Variants in TNFRSF19 observed in about 807,000 individuals in gnomAD.
TNFRSF19 encodes tumor necrosis factor receptor superfamily member 19.
TNFRSF19 carries 27 observed loss-of-function variants against 46.4 expected under a neutral mutation model. The ratio of observed to expected loss-of-function variants is 0.58; its 90% CI spans 0.43 to 0.80. The LOEUF (loss-of-function observed/expected upper bound fraction) is 0.80, where lower values mean the gene tolerates loss of function less well. Ranked by LOEUF, TNFRSF19 falls within the 30% of genes least tolerant of loss-of-function variation. The pLI is 0.00. For synonymous variants in TNFRSF19, 204 were observed against 205.0 expected (o/e 1.00, Z 0.04); for missense variants, 511 against 530.8 (o/e 0.96, Z 0.37).
At chr13:23,602,385 A>G (rs1880219677) in intron 3 of TNFRSF19, among the ~76,000 whole-genome samples, 1 of 152,120 alleles carries the variant, frequency 6.6e-6, no homozygotes, top group Non-Finnish European at 1.5e-5. Flanking sequence ...AACTGATAGA[A>G]CTACAAGGAG....
intron 5 of TNFRSF19, among the ~76,000 whole-genome samples, chr13:23,632,944 A>G (rs1882441697): frequency 6.6e-6 from 1 of 152,086 alleles, no homozygotes; most frequent in South Asian, 2.1e-4. Flanking sequence ...CCCCAAACAC[A>G]TTGTCATTTG....
intron 3 of TNFRSF19, among the ~76,000 whole-genome samples, chr13:23,607,896 T>A (rs942201583): frequency 6.6e-6 from 1 of 152,252 alleles, no homozygotes; most frequent in Non-Finnish European, 1.5e-5. Context: ...TAAACTTTCC[T>A]CTGCGGTTTT....
chr13:23,581,204 A>T (rs897161485), intron 1 of TNFRSF19, among the ~76,000 whole-genome samples: 1 of 150,442 alleles, frequency 6.6e-6, no homozygotes, highest in African/African-American at 2.5e-5. Context: ...GCGCACTGCA[A>T]GCTCCCGCTC....
At chr13:23,594,052 G>A (rs895705581) in intron 3 of TNFRSF19, among the ~76,000 whole-genome samples, 3 of 152,198 alleles carry the variant, frequency 2.0e-5, no homozygotes, top group African/African-American at 7.2e-5. Context: ...TGTGCCATGA[G>A]TAATGGTGCA....
chr13:23,658,990 G>A (rs142696523), intron 5 of TNFRSF19, 60 bp from the exon 6 acceptor site: 22 of 1,607,132 alleles, frequency 1.4e-5, no homozygotes, highest in African/African-American at 9.3e-5. Flanking sequence ...TGCCAGCTTC[G>A]CCATAAACAC....
chr13:23,622,519 A>G (rs1881735552), intron 4 of TNFRSF19, among the ~76,000 whole-genome samples: 1 of 152,346 alleles, frequency 6.6e-6, no homozygotes, highest in Admixed American at 6.5e-5. Flanking sequence ...CTTTTAAAAA[A>G]AATTTTGGCA....
At chr13:23,595,864 G>C (rs1879684040) in intron 3 of TNFRSF19, among the ~76,000 whole-genome samples, 1 of 152,178 alleles carries the variant, frequency 6.6e-6, no homozygotes, top group Non-Finnish European at 1.5e-5. Flanking sequence ...CAGAGAGAAA[G>C]GTCAGGTTAC....
intron 8 of TNFRSF19, 24 bp downstream of exon 8, chr13:23,668,106 C>G: frequency 6.4e-7 from 1 of 1,563,268 alleles, no homozygotes; most frequent in Non-Finnish European, 8.7e-7. Context: ...TTCAATCAAT[C>G]ATTTCATAAC....
In TNFRSF19 at chr13:23,654,663, A is replaced by G. The variant is rs138364400; in HGVS notation, c.446-4387A>G. 2.8e-4 allele frequency among the ~76,000 whole-genome samples: 43 copies of G among 152,198 alleles called. No homozygotes were observed. The East Asian group carries it at 6.8e-3, about 24-fold the overall frequency. ...TACTTTGGTTATCATTACCCAACAG[A>G]ATGTTTTGATCTCAGAAGCTACCTG... is the stretch of plus-strand genomic sequence containing the variant. On this transcript the variant is annotated intron_variant, in intron 5 of 9. Transcript: ENST00000248484.
At chr13:23,639,493 A>G (rs867157703) in intron 5 of TNFRSF19, among the ~76,000 whole-genome samples, 1 of 152,206 alleles carries the variant, frequency 6.6e-6, no homozygotes, top group African/African-American at 2.4e-5. Context: ...GCCTCCCCTC[A>G]GGAGCCCTGC....
intron 1 of TNFRSF19, among the ~76,000 whole-genome samples, chr13:23,579,001 C>A (rs1878168328): frequency 6.6e-6 from 1 of 152,256 alleles, no homozygotes; most frequent in Non-Finnish European, 1.5e-5. Context: ...CCGCCGTATC[C>A]CCTCTGGCTG....
At chr13:23,579,071 C>T (rs1280595092) in intron 1 of TNFRSF19, among the ~76,000 whole-genome samples, 2 of 152,226 alleles carry the variant, frequency 1.3e-5, no homozygotes, top group African/African-American at 4.8e-5. Flanking sequence ...GAAAGGAACC[C>T]TCCCTCTCTG....
chr13:23,648,145 G>C (rs2138356891), intron 5 of TNFRSF19, among the ~76,000 whole-genome samples: 1 of 152,212 alleles, frequency 6.6e-6, no homozygotes, highest in Middle Eastern at 3.4e-3. Context: ...AATTTTGACA[G>C]GAATTGCATT....
chr13:23,606,509 A>G (rs1663161888), intron 3 of TNFRSF19, among the ~76,000 whole-genome samples: 1 of 152,358 alleles, frequency 6.6e-6, no homozygotes, highest in South Asian at 2.1e-4. Context: ...CTGGAAGCCC[A>G]TGTTGTTCAG....
intron 3 of TNFRSF19, 108 bp from the exon 4 acceptor site, chr13:23,615,759 G>T: frequency 8.5e-7 from 1 of 1,179,182 alleles, no homozygotes. Context: ...GTCTAGGAAG[G>T]CCGACACTTG....
chr13:23,606,051 G>A (rs1928113), intron 3 of TNFRSF19, among the ~76,000 whole-genome samples: 51,367 of 151,872 alleles, frequency 0.34, 9,092 homozygotes, highest in East Asian at 0.54. Flanking sequence ...GGGGGAGGGC[G>A]GGGCATGTAA....
intron 1 of TNFRSF19, among the ~76,000 whole-genome samples, chr13:23,571,770 T>A (rs1437976509): frequency 6.6e-6 from 1 of 151,942 alleles, no homozygotes; most frequent in African/African-American, 2.4e-5. Context: ...CAGTTCATGA[T>A]ACACACACAC....
At chr13:23,665,341 A>C (rs1951609813) in intron 7 of TNFRSF19, among the ~76,000 whole-genome samples, 1 of 152,226 alleles carries the variant, frequency 6.6e-6, no homozygotes, top group Non-Finnish European at 1.5e-5. Flanking sequence ...GAAAGATTAA[A>C]TATACAGATG....
chr13:23,636,437 G>T (rs1049051474), intron 5 of TNFRSF19, among the ~76,000 whole-genome samples: 1 of 152,100 alleles, frequency 6.6e-6, no homozygotes, highest in Non-Finnish European at 1.5e-5. Context: ...TCTCTCCCAG[G>T]TTGTGAATGA....
Sources: gnomAD v4.1 joint callset for allele counts (sites outside exome capture counted in the v4.1 genomes callset) on GRCh38, gnomAD v4.1.1 for gene constraint, MANE v1.5 for transcripts, NCBI Gene and HGNC (gene_info 2026-07-23, HGNC 2026-07-21) for gene names.